The following DPP4 variants were observed in gnomAD, a reference collection of about 807,000 sequenced individuals.
The protein encoded by DPP4 is ADCP-2.
DPP4 carries 93 observed loss-of-function variants against 122.4 expected under a neutral mutation model. The ratio of observed to expected loss-of-function variants is 0.76; its 90% CI spans 0.64 to 0.90. The LOEUF (loss-of-function observed/expected upper bound fraction) is 0.90, where lower values mean the gene tolerates loss of function less well. DPP4 is among the 40% of genes least tolerant of loss of function. DPP4 has a pLI of 0.00. For missense variants in DPP4, 914 were observed against 907.3 expected, an observed-to-expected ratio of 1.01 and a Z score of -0.09; for synonymous variants, 321 against 302.9, an observed-to-expected ratio of 1.06 and a Z score of -0.62.
At chr2:162,014,496 T>A in intron 18 of DPP4, 31 bp from the exon 19 acceptor site, 1 of 1,514,792 alleles carries the variant, frequency 6.6e-7, no homozygotes, top group Non-Finnish European at 9.1e-7. Context: ...ATTAGTGAGG[T>A]AAGAAAAATT....
chr2:162,035,770 C>T (rs1191406711), intron 8 of DPP4, among the ~76,000 whole-genome samples: 1 of 152,072 alleles, frequency 6.6e-6, no homozygotes, highest in Non-Finnish European at 1.5e-5. Context: ...TAGCTCCAGG[C>T]TATCAAACCA....
At chr2:162,014,685 A>G (rs2106093597) in intron 18 of DPP4, among the ~76,000 whole-genome samples, 1 of 152,344 alleles carries the variant, frequency 6.6e-6, no homozygotes, top group Middle Eastern at 3.4e-3. Flanking sequence ...AGTTGTTTCT[A>G]ATGTATCTAT....
chr2:161,993,294 A>G lies in DPP4; in HGVS notation c.2290T>C (p.Ser764Pro). The G allele has an allele frequency of 6.2e-7, 1 of 1,611,876 alleles. No individual in the cohort carries two copies. Among genetic ancestry groups the G allele is most frequent in the Non-Finnish European group, 8.5e-7 (1 of 1,178,024 alleles). The change falls in exon 26 of 26, where the codon TCT becomes CCT. Residue 764 changes from serine to proline, a missense_variant. Coordinates refer to ENST00000360534, the MANE Select transcript of DPP4 (RefSeq NM_001935.4). ...GGTATTTTGAGGTGCTAAGGTAAAG[A>G]GAAACATTGTTTTATGAAGTGGCTC... ...HMSHFIKQCF[S>P]LP
Position 162,024,743 on chromosome 2 carries a change from A to G in DPP4, c.1023+61T>C. The G allele has an allele frequency of 3.8e-6, 6 of 1,581,326 alleles. No individual in the cohort carries two copies. The South Asian group carries it at 4.7e-5, about 12-fold the overall frequency. ...TGATTCCCAGCCTTCACTCTCCCCA[A>G]CTGCACAGACCCTCTGATCACATGT... On this transcript the variant is annotated intron_variant, in intron 11 of 25. Coordinates refer to ENST00000360534, the MANE Select transcript of DPP4 (RefSeq NM_001935.4).
Position 161,992,469 on chromosome 2 carries a change from T to C in DPP4, c.*814A>G, listed in dbSNP as rs1040596833. Reference sequence around the variant, plus strand: ...TTTGTGATACAAATATTTTCATCTTTTAACAGGGCAAGCTGATGTGTTCAC... The same window carrying C: ...TTTGTGATACAAATATTTTCATCTTCTAACAGGGCAAGCTGATGTGTTCAC... On this transcript the variant is annotated 3_prime_UTR_variant, in exon 26 of 26. Transcript: ENST00000360534. 14 of 152,788 alleles carry C rather than the reference T, an allele frequency of 9.2e-5. No homozygotes were observed. The highest frequency in any genetic ancestry group is 9.1e-4 in the Admixed American group (14 of 15,306). 9.5% of individuals were successfully genotyped at this position (152,788 alleles called of 1,614,324 possible). A position where few individuals can be genotyped will look rare whatever the true frequency, so the allele number is the denominator to read the frequency against.
chr2:162,038,265 T>C (rs1485555361), intron 8 of DPP4, 37 bp downstream of exon 8: 2 of 1,500,790 alleles, frequency 1.3e-6, no homozygotes, highest in Non-Finnish European at 1.8e-6. Flanking sequence ...TAAAAGCTTA[T>C]AGATTTTCTG....
At chr2:162,028,179 T>C (rs945473567) in intron 10 of DPP4, among the ~76,000 whole-genome samples, 1 of 151,784 alleles carries the variant, frequency 6.6e-6, no homozygotes, top group East Asian at 1.9e-4. Flanking sequence ...TTGGCCAGCA[T>C]GGTGATACCC....
At chr2:162,015,104 T>C (rs1474805102) in intron 18 of DPP4, among the ~76,000 whole-genome samples, 2 of 152,206 alleles carry the variant, frequency 1.3e-5, no homozygotes, top group Non-Finnish European at 2.9e-5. Context: ...CCCTAAATAA[T>C]GAGTCAGTTT....
chr2:162,055,684 AAAG>A (rs927658762), intron 2 of DPP4, among the ~76,000 whole-genome samples: 1 of 152,112 alleles, frequency 6.6e-6, no homozygotes, highest in African/African-American at 2.4e-5. Flanking sequence ...AAAAAAAAAA[AAAG>A]AACACTGTGG....
intron 10 of DPP4, among the ~76,000 whole-genome samples, chr2:162,027,818 A>G (rs528913362): frequency 4.0e-4 from 61 of 151,974 alleles, no homozygotes; most frequent in African/African-American, 1.4e-3. Context: ...CAGCCAGGAA[A>G]CTCACGTGCA....
intron 10 of DPP4, among the ~76,000 whole-genome samples, chr2:162,032,930 G>A (rs1683608547): frequency 6.6e-6 from 1 of 152,162 alleles, no homozygotes. Flanking sequence ...TTAATCCACA[G>A]ATTTCCTGCA....
At chr2:162,017,751 G>GTATA (rs1297915106) in intron 16 of DPP4, among the ~76,000 whole-genome samples, 2 of 152,236 alleles carry the variant, frequency 1.3e-5, no homozygotes, top group African/African-American at 4.8e-5. Flanking sequence ...GGAAGGTAAT[G>GTATA]TATAGAAAAG....
rs763845798 is a variant in DPP4 at position 162,047,383 on chromosome 2, C to T, written c.193+20G>A. The T allele has an allele frequency of 6.9e-7, 1 of 1,459,458 alleles. No homozygotes were observed. Among genetic ancestry groups the T allele is most frequent in the Non-Finnish European group, 9.4e-7 (1 of 1,065,398 alleles). 90.4% of individuals were successfully genotyped at this position (1,459,458 alleles called of 1,614,324 possible). On this transcript the variant is annotated intron_variant, in intron 3 of 25. Transcript: ENST00000360534. ...AATGAATGTAAGCATAAAATCTGCC[C>T]TACCCCAAAAAATTCTTACCTGAAA...
At chr2:162,005,858 C>G in intron 22 of DPP4, 49 bp from the exon 23 acceptor site, 1 of 1,485,430 alleles carries the variant, frequency 6.7e-7, no homozygotes, top group East Asian at 2.4e-5. Context: ...ACAATAACAA[C>G]TTTTCTTGCT....
chr2:162,032,720 A>C (rs35635667), intron 10 of DPP4, among the ~76,000 whole-genome samples: 53,835 of 148,414 alleles, frequency 0.36, 10,185 homozygotes, highest in East Asian at 0.69. Flanking sequence ...AAAAAAAAAA[A>C]CAGCAACAAA....
At chr2:162,016,632 A>G in intron 18 of DPP4, 136 bp downstream of exon 18, 1 of 557,682 alleles carries the variant, frequency 1.8e-6, no homozygotes, top group African/African-American at 1.9e-5. Flanking sequence ...TCTTGTGACA[A>G]AACATTTCAT....
chr2:162,059,265 T>A (rs969526405), intron 2 of DPP4, among the ~76,000 whole-genome samples: 11 of 152,136 alleles, frequency 7.2e-5, no homozygotes, highest in African/African-American at 2.7e-4. Flanking sequence ...TTTCTGATTA[T>A]AGTCACTCCC....
intron 5 of DPP4, among the ~76,000 whole-genome samples, chr2:162,043,547 C>CA (rs1684064665): frequency 1.3e-5 from 2 of 152,184 alleles, no homozygotes; most frequent in African/African-American, 2.4e-5. Flanking sequence ...AACTAAGGGC[C>CA]ACCAGGGGAA....
intron 11 of DPP4, 80 bp downstream of exon 11, chr2:162,024,724 C>T (rs1466414575): frequency 6.6e-7 from 1 of 1,514,456 alleles, no homozygotes; most frequent in East Asian, 2.3e-5. Flanking sequence ...TTCCTGATTC[C>T]CAGCCTTCAC....
Sources: allele counts gnomAD v4.1 joint callset (sites outside exome capture counted in the v4.1 genomes callset), GRCh38; gene constraint gnomAD v4.1.1; transcripts MANE v1.5; gene names NCBI Gene and HGNC (gene_info 2026-07-23, HGNC 2026-07-21).